The following DPP6 variants were observed in gnomAD, a reference collection of about 807,000 sequenced individuals.
The protein encoded by DPP6 is A-type potassium channel modulatory protein DPP6.
A neutral mutation model predicts 122.6 loss-of-function variants in DPP6; 69 were observed. The observed-to-expected ratio is 0.56, with a 90% CI of 0.46 to 0.69. The LOEUF (loss-of-function observed/expected upper bound fraction) is 0.69, where lower values mean the gene tolerates loss of function less well. DPP6 is among the 30% of genes least tolerant of loss of function. The pLI is 0.00. For synonymous variants in DPP6, 418 were observed against 433.1 expected (o/e 0.97, Z 0.43); for missense variants, 928 against 1,116.9 (o/e 0.83, Z 2.41).
At chr7:154,457,880 C>A (rs1820933871) in intron 2 of DPP6, among the ~76,000 whole-genome samples, 1 of 41,602 alleles carries the variant, frequency 2.4e-5, no homozygotes, top group Admixed American at 3.1e-4. Context: ...CTAGATGACA[C>A]ATTAGTGGGT....
chr7:154,802,602 T>C (rs57435434), intron 13 of DPP6, among the ~76,000 whole-genome samples: 38,951 of 152,112 alleles, frequency 0.26, 5,519 homozygotes, highest in Admixed American at 0.34. Context: ...CTCACGCCTG[T>C]AATCCCAGCA....
intron 4 of DPP6, 80 bp downstream of exon 4, chr7:154,540,706 T>C: frequency 1.1e-6 from 1 of 879,342 alleles, no homozygotes; most frequent in Non-Finnish European, 1.7e-6. Flanking sequence ...ACTTTTGGTT[T>C]CAACTTTTAG....
At chr7:154,576,969 AGGT>A (rs1323989605) in intron 5 of DPP6, among the ~76,000 whole-genome samples, 1 of 152,146 alleles carries the variant, frequency 6.6e-6, no homozygotes, top group East Asian at 1.9e-4. Context: ...CAGAAGTCCA[AGGT>A]GGTGGTTGTG....
Position 154,376,252 on chromosome 7 carries a change from G to A in DPP6, c.244-69962G>A, listed in dbSNP as rs1029082820. Among the ~76,000 whole-genome samples, 6 of 152,322 alleles carry A rather than the reference G, an allele frequency of 3.9e-5. No individual in the cohort carries two copies. The East Asian group carries it at 7.7e-4, about 20-fold the overall frequency. On this transcript the variant is annotated intron_variant, in intron 1 of 25. Transcript: ENST00000377770. ...TAATAGCACCAACATGTGACCAGCTGTAATTGTGCTGGAAGGACTGAAGCC... is the reference window on the plus strand; with the variant it reads ...TAATAGCACCAACATGTGACCAGCTATAATTGTGCTGGAAGGACTGAAGCC...
chr7:153,834,079 G>C, the DPP6 span, among the ~76,000 whole-genome samples: 1 of 152,052 alleles, frequency 6.6e-6, no homozygotes, highest in Non-Finnish European at 1.5e-5. Flanking sequence ...CTTAAGTCAG[G>C]AATTCAAGAC....
At chr7:154,535,464 A>C (rs1586566083) in intron 3 of DPP6, among the ~76,000 whole-genome samples, 2 of 151,816 alleles carry the variant, frequency 1.3e-5, no homozygotes, top group African/African-American at 4.8e-5. Context: ...AGGTATACAC[A>C]TGCCATGGTG....
intron 1 of DPP6, among the ~76,000 whole-genome samples, chr7:154,083,681 A>C (rs1804195631): frequency 6.8e-6 from 1 of 146,120 alleles, no homozygotes; most frequent in Non-Finnish European, 1.5e-5. Flanking sequence ...CAGGGATCTC[A>C]TGTTTTCTCA....
chr7:154,220,068 G>A (rs1342543072), intron 1 of DPP6, among the ~76,000 whole-genome samples: 6 of 152,230 alleles, frequency 3.9e-5, no homozygotes, highest in East Asian at 1.9e-4. Flanking sequence ...TCCAAAATCC[G>A]GTTTGCTAGA....
At chr7:153,892,769 G>A (rs1437682249) in intron 1 of DPP6, among the ~76,000 whole-genome samples, 1 of 152,088 alleles carries the variant, frequency 6.6e-6, no homozygotes, top group East Asian at 1.9e-4. Context: ...GATTTTGAGG[G>A]AATTTGCCTT....
chr7:154,343,305 C>T (rs778572427), intron 1 of DPP6, among the ~76,000 whole-genome samples: 13 of 152,272 alleles, frequency 8.5e-5, no homozygotes, highest in African/African-American at 2.9e-4. Flanking sequence ...AGCGGTGGAG[C>T]GAAATTCCAA....
At chr7:153,894,360 T>G (rs1483092809) in intron 1 of DPP6, among the ~76,000 whole-genome samples, 1 of 152,198 alleles carries the variant, frequency 6.6e-6, no homozygotes, top group East Asian at 1.9e-4. Context: ...GACCACATTT[T>G]AGAACTCAAG....
intron 16 of DPP6, among the ~76,000 whole-genome samples, chr7:154,814,626 C>T (rs1024311203): frequency 6.6e-6 from 1 of 152,164 alleles, no homozygotes. Context: ...AACAAATTAC[C>T]GCAATCTGGA....
At chr7:154,410,824 A>T (rs1453019945) in intron 1 of DPP6, among the ~76,000 whole-genome samples, 1 of 152,252 alleles carries the variant, frequency 6.6e-6, no homozygotes, top group Non-Finnish European at 1.5e-5. Flanking sequence ...GATTTGCTAG[A>T]TTAAAAAGCA....
At chr7:154,138,026 G>A (rs1795664542) in intron 1 of DPP6, among the ~76,000 whole-genome samples, 2 of 152,160 alleles carry the variant, frequency 1.3e-5, no homozygotes, top group Non-Finnish European at 2.9e-5. Flanking sequence ...TGTTTCTGCA[G>A]AAAAACATAG....
chr7:154,859,005 G>A (rs192351432), intron 17 of DPP6, among the ~76,000 whole-genome samples: 22 of 152,312 alleles, frequency 1.4e-4, no homozygotes, highest in African/African-American at 4.1e-4. Flanking sequence ...CCAAGCAGGC[G>A]CTCTTGACTG....
intron 1 of DPP6, among the ~76,000 whole-genome samples, chr7:154,208,575 A>C (rs1376713402): frequency 6.6e-6 from 1 of 152,234 alleles, no homozygotes; most frequent in Non-Finnish European, 1.5e-5. Flanking sequence ...TGATCGGCTG[A>C]CTTAAAAGCT....
chr7:154,266,722 G>T (rs985012332), intron 1 of DPP6, among the ~76,000 whole-genome samples: 2 of 152,164 alleles, frequency 1.3e-5, no homozygotes, highest in African/African-American at 2.4e-5. Context: ...TTACATATCT[G>T]TTCAATGAAA....
chr7:154,820,539 C>T (rs992210318), intron 16 of DPP6, among the ~76,000 whole-genome samples: 1 of 152,188 alleles, frequency 6.6e-6, no homozygotes, highest in Non-Finnish European at 1.5e-5. Context: ...ATTTCTAGTG[C>T]TTCTTCCCTT....
intron 9 of DPP6, among the ~76,000 whole-genome samples, chr7:154,770,912 G>T (rs1796213142): frequency 1.3e-5 from 2 of 152,242 alleles, no homozygotes; most frequent in South Asian, 4.1e-4. Flanking sequence ...AGTCTGCCAT[G>T]CTGGCTTCTG....
Sources: allele counts gnomAD v4.1 joint callset (sites outside exome capture counted in the v4.1 genomes callset), GRCh38; gene constraint gnomAD v4.1.1; transcripts MANE v1.5; gene names NCBI Gene and HGNC (gene_info 2026-07-23, HGNC 2026-07-21).